The following DPYD variants were observed in gnomAD, a reference collection of about 807,000 sequenced individuals.
DPYD encodes the protein dihydropyrimidine dehydrogenase.
A neutral mutation model predicts 116.2 loss-of-function variants in DPYD; 109 were observed. That is an observed-to-expected ratio of 0.94 (90% CI 0.80 to 1.10). DPYD has a LOEUF of 1.10. Among genes scored for constraint, DPYD ranks in the 50% least tolerant of loss-of-function variants. The pLI is 0.00. For synonymous variants in DPYD, 440 were observed against 432.0 expected, an observed-to-expected ratio of 1.02 and a Z score of -0.23; for missense variants, 1,302 against 1,254.5, an observed-to-expected ratio of 1.04 and a Z score of -0.57.
chr1:97,887,053 G>A (rs1368539593), intron 1 of DPYD, among the ~76,000 whole-genome samples: 5 of 151,956 alleles, frequency 3.3e-5, no homozygotes, highest in Admixed American at 2.6e-4. Flanking sequence ...TTAAGAGAGA[G>A]ATCAGAGAAA....
At chr1:97,136,559 G>C (rs1570527710) in intron 20 of DPYD, among the ~76,000 whole-genome samples, 1 of 151,954 alleles carries the variant, frequency 6.6e-6, no homozygotes, top group East Asian at 1.9e-4. Flanking sequence ...CTCTCTCATG[G>C]AATTCTCAAT....
chr1:97,525,779 A>AGAGG (rs1478451491), intron 12 of DPYD, among the ~76,000 whole-genome samples: 1 of 147,856 alleles, frequency 6.8e-6, no homozygotes, highest in Non-Finnish European at 1.5e-5. Flanking sequence ...AGAGAGAGAG[A>AGAGG]GAGAGAGAGA....
At chr1:97,498,962 C>T (rs904261761) in intron 13 of DPYD, among the ~76,000 whole-genome samples, 5 of 151,340 alleles carry the variant, frequency 3.3e-5, no homozygotes, top group Non-Finnish European at 7.4e-5. Flanking sequence ...TCTCTAAGAC[C>T]TTAATTTCAC....
At chr1:97,483,826 G>A (rs1459517681) in intron 13 of DPYD, among the ~76,000 whole-genome samples, 1 of 151,880 alleles carries the variant, frequency 6.6e-6, no homozygotes, top group Non-Finnish European at 1.5e-5. Flanking sequence ...CAGAAAGAAG[G>A]CCCTCACCAG....
intron 18 of DPYD, among the ~76,000 whole-genome samples, chr1:97,250,717 T>C (rs1231190097): frequency 1.3e-5 from 2 of 152,184 alleles, no homozygotes; most frequent in African/African-American, 4.8e-5. Flanking sequence ...TTAGTTTATA[T>C]GAAGTTTTAG....
chr1:97,701,930 T>C (rs868288263), intron 5 of DPYD, among the ~76,000 whole-genome samples: 95 of 151,808 alleles, frequency 6.3e-4, no homozygotes, highest in African/African-American at 1.8e-3. Flanking sequence ...TAAGGGGGAA[T>C]ATATGTTAAC....
At chr1:97,461,951 C>G (rs927136092) in intron 13 of DPYD, among the ~76,000 whole-genome samples, 3 of 152,144 alleles carry the variant, frequency 2.0e-5, no homozygotes, top group African/African-American at 7.2e-5. Context: ...GAACTGAAAA[C>G]AAGTAAACTG....
At chr1:97,331,353 C>T (rs1668988385) in intron 16 of DPYD, among the ~76,000 whole-genome samples, 1 of 152,124 alleles carries the variant, frequency 6.6e-6, no homozygotes, top group African/African-American at 2.4e-5. Flanking sequence ...TGGTGTGTGA[C>T]TGTAGTCCTA....
At chr1:97,461,599 T>C (rs1486156778) in intron 13 of DPYD, among the ~76,000 whole-genome samples, 1 of 152,212 alleles carries the variant, frequency 6.6e-6, no homozygotes, top group East Asian at 1.9e-4. Flanking sequence ...AAATCATTTA[T>C]TTGAGCATAC....
intron 1 of DPYD, among the ~76,000 whole-genome samples, chr1:97,898,574 C>A (rs1282056615): frequency 1.8e-4 from 27 of 151,764 alleles, no homozygotes; most frequent in Admixed American, 1.4e-3. Flanking sequence ...TATTTTGTTT[C>A]TTTTTTATTG....
At chr1:97,242,415 G>C (rs958172977) in intron 18 of DPYD, among the ~76,000 whole-genome samples, 1 of 151,006 alleles carries the variant, frequency 6.6e-6, no homozygotes, top group African/African-American at 2.4e-5. Context: ...AAGTAGCAGA[G>C]CAATATATAT....
At chr1:97,688,246 CTG>C (rs1660838418) in intron 7 of DPYD, among the ~76,000 whole-genome samples, 1 of 152,066 alleles carries the variant, frequency 6.6e-6, no homozygotes, top group Admixed American at 6.5e-5. Flanking sequence ...ACTTTGATAA[CTG>C]TTTATTTTAA....
In DPYD at chr1:97,288,319, C is replaced by T. The variant is rs550801185; in HGVS notation, c.2299+16940G>A. Among the ~76,000 whole-genome samples, 88 of 151,044 alleles carry T rather than the reference C, an allele frequency of 5.8e-4. No individual in the cohort carries two copies. In the East Asian group the frequency reaches 0.015, roughly 25 times the overall value. On this transcript the variant is annotated intron_variant, in intron 18 of 22. Coordinates refer to ENST00000370192, the MANE Select transcript of DPYD (RefSeq NM_000110.4). ...AAGGATACACAGGAATTCAACTCAGCTCTGCACCAAGGGGACCTAATAGAC... is the reference window on the plus strand; with the variant it reads ...AAGGATACACAGGAATTCAACTCAGTTCTGCACCAAGGGGACCTAATAGAC...
intron 11 of DPYD, 59 bp downstream of exon 11, chr1:97,573,701 T>G: frequency 3.1e-6 from 5 of 1,596,390 alleles, no homozygotes; most frequent in Non-Finnish European, 4.3e-6. Flanking sequence ...AGCTAGAAAC[T>G]ATTACAGCAC....
At chr1:97,288,837 A>G (rs1413853788) in intron 18 of DPYD, among the ~76,000 whole-genome samples, 1 of 152,060 alleles carries the variant, frequency 6.6e-6, no homozygotes, top group African/African-American at 2.4e-5. Context: ...AACTAAAATC[A>G]GAGCACAACT....
intron 20 of DPYD, among the ~76,000 whole-genome samples, chr1:97,131,325 T>A: frequency 6.6e-6 from 1 of 152,196 alleles, no homozygotes; most frequent in East Asian, 1.9e-4. Flanking sequence ...GTGTGGTATT[T>A]TTCCCTGCTA....
chr1:97,240,176 G>A (rs1415024472), intron 18 of DPYD, among the ~76,000 whole-genome samples: 1 of 151,416 alleles, frequency 6.6e-6, no homozygotes, highest in East Asian at 1.9e-4. Context: ...TCATAATGTT[G>A]ATGAAGATTA....
intron 14 of DPYD, among the ~76,000 whole-genome samples, chr1:97,445,894 T>G (rs1340936826): frequency 2.0e-5 from 3 of 151,888 alleles, no homozygotes; most frequent in Admixed American, 2.0e-4. Flanking sequence ...CCTGACTAAT[T>G]TTTTGTATTT....
At chr1:97,230,461 T>G (rs186089850) in intron 19 of DPYD, among the ~76,000 whole-genome samples, 60 of 152,030 alleles carry the variant, frequency 3.9e-4, no homozygotes, top group Middle Eastern at 3.4e-3. Context: ...TAGAGGGGAA[T>G]GACACACACT....
Sources: allele counts gnomAD v4.1 joint callset (sites outside exome capture counted in the v4.1 genomes callset), GRCh38; gene constraint gnomAD v4.1.1; transcripts MANE v1.5; gene names NCBI Gene and HGNC (gene_info 2026-07-23, HGNC 2026-07-21).